Variants in STARD13 observed in about 807,000 individuals in gnomAD.
STARD13 encodes stAR-related lipid transfer protein 13.
In STARD13, 62 loss-of-function variants were observed where a neutral mutation model predicts 106.4. The observed-to-expected ratio is 0.58, with a 90% confidence interval of 0.48 to 0.72. The LOEUF (loss-of-function observed/expected upper bound fraction) is 0.72, where lower values mean the gene tolerates loss of function less well. Ranked by LOEUF, STARD13 falls within the 30% of genes least tolerant of loss-of-function variation. The pLI is 0.00. For missense variants in STARD13, 1,387 were observed against 1,424.0 expected, an observed-to-expected ratio of 0.97 and a Z score of 0.42; for synonymous variants, 565 against 553.0, an observed-to-expected ratio of 1.02 and a Z score of -0.31.
At chr13:33,218,539 C>G (rs1442089448) in intron 1 of STARD13, among the ~76,000 whole-genome samples, 1 of 152,164 alleles carries the variant, frequency 6.6e-6, no homozygotes, top group African/African-American at 2.4e-5. Flanking sequence ...GAATAGGGGT[C>G]TGGTACGACA....
the STARD13 span, among the ~76,000 whole-genome samples, chr13:33,549,382 A>C: frequency 3.9e-5 from 6 of 152,222 alleles, no homozygotes; most frequent in African/African-American, 1.4e-4. Flanking sequence ...GGATGATATC[A>C]TCATCACCTG....
intron 1 of STARD13, among the ~76,000 whole-genome samples, chr13:33,202,699 C>T (rs926042861): frequency 6.6e-6 from 1 of 152,120 alleles, no homozygotes; most frequent in East Asian, 1.9e-4. Context: ...CTTAAGGTAG[C>T]TTTGGAGGAG....
chr13:33,199,055 C>G (rs1404340363), intron 1 of STARD13, among the ~76,000 whole-genome samples: 6 of 152,210 alleles, frequency 3.9e-5, no homozygotes, highest in Admixed American at 3.9e-4. Context: ...ACACATTACA[C>G]ACTTAAAGTC....
At chr13:33,165,468 G>A in intron 2 of STARD13, 50 bp from the exon 3 acceptor site, 2 of 1,382,680 alleles carry the variant, frequency 1.4e-6, no homozygotes, top group Non-Finnish European at 2.1e-6. Flanking sequence ...ATCTGAATGA[G>A]CACCAACATA....
chr13:33,427,373 G>A, the STARD13 span, among the ~76,000 whole-genome samples: 1 of 152,156 alleles, frequency 6.6e-6, no homozygotes, highest in Non-Finnish European at 1.5e-5. Flanking sequence ...GATTACAGAG[G>A]ATGGTAGGAG....
chr13:33,247,539 T>C lies in STARD13; in HGVS notation c.169+37931A>G, dbSNP rs186866614. On this transcript the variant is annotated intron_variant, in intron 1 of 13. Coordinates refer to ENST00000336934, the MANE Select transcript of STARD13 (RefSeq NM_178006.4). ...ATGTTTCAGGGTGCCTAATATACGTTATATTAGATATAATATATATTTCTA... is the reference window on the plus strand; with the variant it reads ...ATGTTTCAGGGTGCCTAATATACGTCATATTAGATATAATATATATTTCTA... Among the ~76,000 whole-genome samples the C allele has an allele frequency of 2.0e-3, 302 of 152,230 alleles. 3 individuals are homozygous for C. The highest frequency in any genetic ancestry group is 1.0e-3 in the Non-Finnish European group (71 of 68,020).
chr13:33,560,977 G>A, the STARD13 span, among the ~76,000 whole-genome samples: 1 of 151,416 alleles, frequency 6.6e-6, no homozygotes, highest in Admixed American at 6.6e-5. Context: ...AATCCCTTCA[G>A]TGTTGGCATT....
chr13:33,295,256 C>G (rs1892443902), intron 1 of STARD13, among the ~76,000 whole-genome samples: 1 of 152,080 alleles, frequency 6.6e-6, no homozygotes, highest in South Asian at 2.1e-4. Flanking sequence ...TTTTAAAAAT[C>G]CTGTAAAGAG....
chr13:33,491,340 G>T, the STARD13 span, among the ~76,000 whole-genome samples: 141 of 152,320 alleles, frequency 9.3e-4, no homozygotes, highest in Middle Eastern at 3.4e-3. Flanking sequence ...TTGATGATTT[G>T]ATTGTCTAAG....
At chr13:33,357,188 G>A in the STARD13 span, among the ~76,000 whole-genome samples, 2 of 152,206 alleles carry the variant, frequency 1.3e-5, no homozygotes, top group Non-Finnish European at 1.5e-5. Flanking sequence ...CCCTAGTTGT[G>A]CTCCAACTGC....
At chr13:33,550,848 A>T in the STARD13 span, among the ~76,000 whole-genome samples, 1 of 152,160 alleles carries the variant, frequency 6.6e-6, no homozygotes, top group African/African-American at 2.4e-5. Context: ...TCAGCATAGA[A>T]CTTCCAACAA....
At chr13:33,602,752 A>C in the STARD13 span, among the ~76,000 whole-genome samples, 4 of 152,212 alleles carry the variant, frequency 2.6e-5, no homozygotes, top group Non-Finnish European at 5.9e-5. Context: ...CATTGATGGC[A>C]TTAGATTCTC....
At chr13:33,175,327 A>G (rs747302000) in intron 1 of STARD13, among the ~76,000 whole-genome samples, 13 of 152,196 alleles carry the variant, frequency 8.5e-5, no homozygotes, top group Non-Finnish European at 1.6e-4. Context: ...AGATTCTTCA[A>G]GATGGAGTCA....
At chr13:33,264,520 CT>C (rs1430561548) in intron 1 of STARD13, among the ~76,000 whole-genome samples, 2 of 152,318 alleles carry the variant, frequency 1.3e-5, no homozygotes, top group Non-Finnish European at 2.9e-5. Flanking sequence ...TCAGCAGAGT[CT>C]AGAGGTCTTT....
At chr13:33,147,986 A>G (rs1880775406) in intron 3 of STARD13, among the ~76,000 whole-genome samples, 1 of 152,230 alleles carries the variant, frequency 6.6e-6, no homozygotes, top group Admixed American at 6.5e-5. Context: ...GTCTTTCCAC[A>G]AATGCTGTTG....
At chr13:33,521,351 A>G in the STARD13 span, among the ~76,000 whole-genome samples, 1 of 152,054 alleles carries the variant, frequency 6.6e-6, no homozygotes, top group East Asian at 1.9e-4. Context: ...AGCCAATGGC[A>G]ATTTTTCTCT....
At chr13:33,601,214 G>GTTT in the STARD13 span, among the ~76,000 whole-genome samples, 9 of 141,834 alleles carry the variant, frequency 6.3e-5, no homozygotes, top group African/African-American at 2.3e-4. Flanking sequence ...AAATGTTTTT[G>GTTT]TTTTTTTTTT....
chr13:33,319,693 T>C (rs534397456), intron 1 of STARD13, among the ~76,000 whole-genome samples: 1 of 152,274 alleles, frequency 6.6e-6, no homozygotes, highest in Non-Finnish European at 1.5e-5. Flanking sequence ...TGTGGGTCAA[T>C]CATTTATCCT....
chr13:33,428,135 T>C, the STARD13 span, among the ~76,000 whole-genome samples: 2 of 152,116 alleles, frequency 1.3e-5, no homozygotes, highest in Non-Finnish European at 2.9e-5. Context: ...TGCAGAAGAA[T>C]AAAACTAGAC....
Sources: gnomAD v4.1 joint callset for allele counts (sites outside exome capture counted in the v4.1 genomes callset) on GRCh38, gnomAD v4.1.1 for gene constraint, MANE v1.5 for transcripts, NCBI Gene and HGNC (gene_info 2026-07-23, HGNC 2026-07-21) for gene names.